The following AHCY variants were observed in gnomAD, a reference collection of about 807,000 sequenced individuals.
The protein encoded by AHCY is S-adenosyl-L-homocysteine hydrolase.
AHCY carries 24 observed loss-of-function variants against 45.4 expected under a neutral mutation model. That is an observed-to-expected ratio of 0.53 (90% confidence interval 0.38 to 0.74). AHCY has a LOEUF of 0.74. AHCY is among the 30% of genes least tolerant of loss of function. The probability of loss-of-function intolerance (pLI) is 0.00; values close to 1 mark genes in which losing one functional copy is unlikely to be tolerated. For synonymous variants in AHCY, 245 were observed against 235.1 expected, an observed-to-expected ratio of 1.04 and a Z score of -0.39; for missense variants, 449 against 594.1, an observed-to-expected ratio of 0.76 and a Z score of 2.54.
intron 4 of AHCY, 108 bp downstream of exon 4, chr20:34,292,250 C>G (rs920149164): frequency 1.2e-5 from 17 of 1,399,846 alleles, no homozygotes; most frequent in East Asian, 2.5e-5. Flanking sequence ...TCTTCCAGAT[C>G]CTGCTGCTTG....
chr20:34,275,855 A>T (rs2035906526), downstream of AHCY, among the ~76,000 whole-genome samples: 2 of 147,876 alleles, frequency 1.4e-5, no homozygotes, highest in Admixed American at 6.7e-5. Flanking sequence ...TTTTTTTTTT[A>T]TTCTATTTTT....
chr20:34,306,705 T>C (rs2036899970), upstream of AHCY, among the ~76,000 whole-genome samples: 1 of 152,304 alleles, frequency 6.6e-6, no homozygotes, highest in African/African-American at 2.4e-5. Context: ...AACAAATTGG[T>C]ACAGCCATAC....
At chr20:34,273,101 A>G in the AHCY span, among the ~76,000 whole-genome samples, 1 of 152,036 alleles carries the variant, frequency 6.6e-6, no homozygotes, top group Non-Finnish European at 1.5e-5. Flanking sequence ...GGCATGATTG[A>G]TTAAACCATT....
At chr20:34,258,781 A>AT in the AHCY span, among the ~76,000 whole-genome samples, 11 of 72,564 alleles carry the variant, frequency 1.5e-4, 1 homozygote, top group African/African-American at 6.8e-4. Context: ...TATATATAGT[A>AT]TATATATAGT....
Position 34,285,576 on chromosome 20 carries a change from A to G in AHCY, c.1031T>C (p.Leu344Pro). ...GCCCATGGCACAACCCAGGTTGACC[A>G]GCCGACCCTCGGCCAGCAGGATGAT... ...RRIILLAEGR[L>P]VNLGCAMGHP... Residue 344 changes from leucine to proline, a missense_variant, in exon 9 of 10, where the codon CTG becomes CCG. Coordinates refer to ENST00000217426, the MANE Select transcript of AHCY (RefSeq NM_000687.4). 1 of 1,614,152 alleles carries G rather than the reference A, an allele frequency of 6.2e-7. No individual in the cohort carries two copies. The highest frequency in any genetic ancestry group is 8.5e-7 in the Non-Finnish European group (1 of 1,180,020).
chr20:34,233,527 A>G, the AHCY span, among the ~76,000 whole-genome samples: 6 of 152,272 alleles, frequency 3.9e-5, no homozygotes, highest in South Asian at 1.2e-3. Flanking sequence ...TGGTTGCACA[A>G]CTCTGTGAAT....
At chr20:34,281,203 T>C in intron 9 of AHCY, 38 bp from the exon 10 acceptor site, 1 of 1,611,068 alleles carries the variant, frequency 6.2e-7, no homozygotes, top group Non-Finnish European at 8.5e-7. Context: ...ATCAGTGCCA[T>C]TTTCTGGGAC....
At chr20:34,295,126 T>G in intron 2 of AHCY, 1 of 568,442 alleles carries the variant, frequency 1.8e-6, no homozygotes, top group East Asian at 3.1e-5. Context: ...GACATGGGTG[T>G]TGAATTTTTC....
intron 1 of AHCY, among the ~76,000 whole-genome samples, chr20:34,309,892 AGGAG>A (rs1257354316): frequency 6.8e-6 from 1 of 146,368 alleles, no homozygotes; most frequent in African/African-American, 2.5e-5. Context: ...TAGGGAGGGA[AGGAG>A]GGAGGGAGGA....
chr20:34,286,439 T>A (rs182463224), intron 8 of AHCY: 2 of 152,366 alleles, frequency 1.3e-5, no homozygotes, highest in East Asian at 3.9e-4. Flanking sequence ...TGAGGACAGA[T>A]CCCATGTTCT....
At chr20:34,263,298 C>T in the AHCY span, among the ~76,000 whole-genome samples, 1 of 152,206 alleles carries the variant, frequency 6.6e-6, no homozygotes, top group East Asian at 1.9e-4. Context: ...GATGCGGTGG[C>T]TCACGCCTAT....
chr20:34,297,133 T>C (rs2036599671), intron 1 of AHCY, among the ~76,000 whole-genome samples: 2 of 152,012 alleles, frequency 1.3e-5, no homozygotes, highest in South Asian at 4.1e-4. Context: ...ATTCAATTCA[T>C]CCTACCAATT....
chr20:34,246,175 T>C, the AHCY span: 2 of 1,116,612 alleles, frequency 1.8e-6, no homozygotes, highest in East Asian at 4.8e-5. Context: ...GTTTCTTCTT[T>C]GCTCTAGGAA....
Position 34,294,172 on chromosome 20 carries a change from A to C in AHCY, c.220-16T>G, listed in dbSNP as rs765037047. ...ACCACTGCACCTAGAAGAGCCATCA[A>C]AACAAGGCTGTTGGTCACTGATGGC... On this transcript the variant is annotated splice_polypyrimidine_tract_variant and intron_variant, in intron 2 of 9. Transcript: ENST00000217426. The C allele has an allele frequency of 1.2e-6, 2 of 1,612,038 alleles. No homozygotes were observed. Among genetic ancestry groups the C allele is most frequent in the East Asian group, 2.2e-5 (1 of 44,886 alleles).
intron 1 of AHCY, chr20:34,302,410 G>A (rs2036806780): frequency 5.8e-6 from 1 of 171,934 alleles, no homozygotes; most frequent in Non-Finnish European, 1.2e-5. Context: ...TGGTGAAAGG[G>A]TGCGCTCAGA....
the AHCY span, among the ~76,000 whole-genome samples, chr20:34,258,776 ATAG>A: frequency 1.0e-5 from 1 of 99,084 alleles, no homozygotes; most frequent in African/African-American, 4.1e-5. Flanking sequence ...TATAATATAT[ATAG>A]TATATATATA....
At chr20:34,269,014 G>A in the AHCY span, 3 of 1,607,876 alleles carry the variant, frequency 1.9e-6, no homozygotes, top group Admixed American at 3.4e-5. Flanking sequence ...TGAAGAAAGT[G>A]GTGCGGCCCC....
chr20:34,306,153 C>T (rs559121006), upstream of AHCY, among the ~76,000 whole-genome samples: 3 of 151,490 alleles, frequency 2.0e-5, no homozygotes, highest in South Asian at 6.3e-4. Context: ...TGATGACTCT[C>T]ATCCTCACTG....
intron 8 of AHCY, chr20:34,286,555 A>C (rs530968493): frequency 2.0e-5 from 3 of 152,224 alleles, no homozygotes; most frequent in African/African-American, 7.2e-5. Context: ...TACCCAGGCC[A>C]GACGCGGTGG....
Sources: allele counts gnomAD v4.1 joint callset (sites outside exome capture counted in the v4.1 genomes callset), GRCh38; gene constraint gnomAD v4.1.1; transcripts MANE v1.5; gene names NCBI Gene and HGNC (gene_info 2026-07-23, HGNC 2026-07-21).